SDK2: variants seen among roughly 807,000 people sequenced by gnomAD.
The protein encoded by SDK2 is sidekick cell adhesion molecule 2, also known as protein sidekick-2.
A neutral mutation model predicts 253.9 loss-of-function variants in SDK2; 105 were observed. The observed-to-expected ratio is 0.41, with a 90% CI of 0.35 to 0.49. The LOEUF (loss-of-function observed/expected upper bound fraction) is 0.49. Among genes scored for constraint, SDK2 ranks in the 20% least tolerant of loss-of-function variants. SDK2 has a pLI of 0.06. For missense variants in SDK2, 2,608 were observed against 3,003.0 expected (o/e 0.87, Z 3.07); for synonymous variants, 1,249 against 1,234.9 (o/e 1.01, Z -0.24).
chr17:73,443,485 G>A lies in SDK2; in HGVS notation c.614-2562C>T, dbSNP rs1401772043. Among the ~76,000 whole-genome samples the A allele has an allele frequency of 1.3e-5, 2 of 152,268 alleles. No homozygotes were observed. The highest frequency in any genetic ancestry group is 1.3e-4 in the Admixed American group (2 of 15,286). ...GGCACAAGTAAGAGACAGACAGTTA[G>A]AGCCCAAGCCAGAGCGCCGCATGGC... On this transcript the variant is annotated intron_variant, in intron 5 of 44. Coordinates refer to ENST00000392650, the MANE Select transcript of SDK2 (RefSeq NM_001144952.2). The surrounding 1 kb of genome is among the most constrained non-coding windows in gnomAD (Gnocchi z 4.6).
chr17:73,599,303 G>C (rs2045805136), intron 1 of SDK2, among the ~76,000 whole-genome samples: 1 of 152,148 alleles, frequency 6.6e-6, no homozygotes, highest in Non-Finnish European at 1.5e-5. Context: ...AGGCCGAAGG[G>C]GGTGGATCAC....
In SDK2 at chr17:73,455,790, G is replaced by A; in HGVS notation, c.479+116C>T. On this transcript the variant is annotated intron_variant, in intron 4 of 44. Transcript: ENST00000392650. This position sits in a 1 kb window ranked among gnomAD's most constrained non-coding sequence, Gnocchi z 5.0. Reference sequence around the variant, plus strand: ...TACCTGGCTGTGTCCCACAGGAGCTGAAAGGGGCTTCTGCACAAAGGCCCT... The same window carrying A: ...TACCTGGCTGTGTCCCACAGGAGCTAAAAGGGGCTTCTGCACAAAGGCCCT... 1 of 1,202,424 alleles carries A rather than the reference G, an allele frequency of 8.3e-7. No homozygotes were observed. The highest frequency in any genetic ancestry group is 1.1e-6 in the Non-Finnish European group (1 of 894,626). The allele number at this position is 1,202,424 out of a possible 1,614,324, so 74.5% of individuals were successfully genotyped here.
rs116552639 is a variant in SDK2 at position 73,340,161 on chromosome 17, G to A, written c.6166-1221C>T. On this transcript the variant is annotated intron_variant, in intron 44 of 44. Coordinates refer to ENST00000392650, the MANE Select transcript of SDK2 (RefSeq NM_001144952.2). ...TGCTGGGATTCAGGCGTGGGCCACCGTGCCCAGTCTACCTTTGTTTTCAAT... is the reference window on the plus strand; with the variant it reads ...TGCTGGGATTCAGGCGTGGGCCACCATGCCCAGTCTACCTTTGTTTTCAAT... 2.9e-3 allele frequency among the ~76,000 whole-genome samples: 436 copies of A among 152,306 alleles called. 1 individual carries two copies. Among genetic ancestry groups the A allele is most frequent in the African/African-American group, 9.7e-3 (404 of 41,574 alleles).
rs547081243 is a variant in SDK2 at position 73,441,364 on chromosome 17, G to A, written c.614-441C>T. Among the ~76,000 whole-genome samples, 25 of 152,170 alleles carry A rather than the reference G, an allele frequency of 1.6e-4. No individual in the cohort carries two copies. In the South Asian group the frequency reaches 1.7e-3, roughly 10 times the overall value. The stretch of plus-strand genomic sequence containing the variant: ...GGCCCCCTCCCCCAACACACCTCCC[G>A]CCAATTCATGCCCATCTGGCACCTG... On this transcript the variant is annotated intron_variant, in intron 5 of 44. Transcript: ENST00000392650.
At chr17:73,615,551 C>A (rs1367588762) in intron 1 of SDK2, among the ~76,000 whole-genome samples, 1 of 152,196 alleles carries the variant, frequency 6.6e-6, no homozygotes, top group Admixed American at 6.5e-5. Flanking sequence ...GAGACACAGA[C>A]CTTCTCCCCA....
At chr17:73,477,167 C>T (rs1025782886) in intron 2 of SDK2, among the ~76,000 whole-genome samples, 3 of 152,188 alleles carry the variant, frequency 2.0e-5, no homozygotes, top group Non-Finnish European at 4.4e-5. Context: ...TAAGCACCTC[C>T]GATAATGACA....
At chr17:73,339,229 G>GTT (rs2062411701) in intron 44 of SDK2, among the ~76,000 whole-genome samples, 1 of 138,472 alleles carries the variant, frequency 7.2e-6, no homozygotes, top group African/African-American at 2.6e-5. Flanking sequence ...TTTTGTTTTT[G>GTT]TTTTTGTTTT....
At chr17:73,539,896 CA>C (rs1332866817) in intron 1 of SDK2, among the ~76,000 whole-genome samples, 1 of 151,876 alleles carries the variant, frequency 6.6e-6, no homozygotes, top group African/African-American at 2.4e-5. Context: ...GGGCGGCCCC[CA>C]CCAGAGACGG....
At chr17:73,539,821 G>C (rs963304383) in intron 1 of SDK2, among the ~76,000 whole-genome samples, 1 of 152,248 alleles carries the variant, frequency 6.6e-6, no homozygotes. Context: ...ACACACGGGG[G>C]GAATGCCATG....
chr17:73,415,143 C>T (rs957499709), intron 17 of SDK2, among the ~76,000 whole-genome samples: 1 of 152,156 alleles, frequency 6.6e-6, no homozygotes, highest in African/African-American at 2.4e-5. Context: ...TCCTCTTCCT[C>T]TTCCCCTCAG....
intron 25 of SDK2, among the ~76,000 whole-genome samples, chr17:73,394,703 G>C (rs1222759605): frequency 1.3e-4 from 20 of 152,314 alleles, no homozygotes; most frequent in Non-Finnish European, 2.9e-5. Flanking sequence ...TGTGTGGATG[G>C]ATGAGAGTTG....
At chr17:73,483,909 G>A (rs2063754485) in intron 2 of SDK2, among the ~76,000 whole-genome samples, 1 of 151,044 alleles carries the variant, frequency 6.6e-6, no homozygotes, top group Admixed American at 6.6e-5. Flanking sequence ...CCCTGTCCAG[G>A]GTATAAGGAG....
intron 24 of SDK2, among the ~76,000 whole-genome samples, chr17:73,396,750 C>A (rs1326561686): frequency 6.6e-6 from 1 of 152,160 alleles, no homozygotes; most frequent in Non-Finnish European, 1.5e-5. Context: ...CAGGCTCTAA[C>A]CTTTTAGTAG....
At position 73,401,050 on chromosome 17, in the gene SDK2, C is replaced by A. The variant is rs867814181; in HGVS notation, c.2941G>T (p.Ala981Ser). 1.3e-6 allele frequency: 2 copies of A among 1,577,948 alleles called. No individual in the cohort carries two copies. The highest frequency in any genetic ancestry group is 2.7e-5 in the African/African-American group (2 of 74,422). Residue 981 changes from alanine to serine, a missense_variant, in exon 21 of 45, where the codon GCC becomes TCC. Ala to Ser is a moderately conservative substitution (Grantham distance 99). Coordinates refer to ENST00000392650, the MANE Select transcript of SDK2 (RefSeq NM_001144952.2). Reference protein sequence around the residue: ...MTSKGQGQVSASTISSGVPPE... With the variant: ...MTSKGQGQVSSSTISSGVPPE... ...GGCACCCCAGAGGAGATGGTGGAGG[C>A]GGACACTTGGCCCTGGCCCTTTGAG...
At chr17:73,382,071 C>T (rs980702559) in intron 33 of SDK2, among the ~76,000 whole-genome samples, 9 of 152,024 alleles carry the variant, frequency 5.9e-5, no homozygotes, top group Non-Finnish European at 1.2e-4. Flanking sequence ...AAAAAATTAG[C>T]TGGGCGTGGT....
chr17:73,464,284 G>A (rs921220870), intron 3 of SDK2, among the ~76,000 whole-genome samples: 2 of 152,124 alleles, frequency 1.3e-5, no homozygotes, highest in African/African-American at 4.8e-5. Context: ...CCCCCATACC[G>A]TTCTCGTGAT....
At position 73,455,615 on chromosome 17, in the gene SDK2, T is replaced by C. The variant is rs966953378; in HGVS notation, c.479+291A>G. Among the ~76,000 whole-genome samples, 4 of 152,184 alleles carry C rather than the reference T, an allele frequency of 2.6e-5. No individual in the cohort carries two copies. The highest frequency in any genetic ancestry group is 5.9e-5 in the Non-Finnish European group (4 of 68,024). On this transcript the variant is annotated intron_variant, in intron 4 of 44. Coordinates refer to ENST00000392650, the MANE Select transcript of SDK2 (RefSeq NM_001144952.2). The surrounding 1 kb of genome is among the most constrained non-coding windows in gnomAD (Gnocchi z 5.0). ...GACAGCGCCTTCGTATATGCCTGTT[T>C]GGGTTTTTTAAGTGCTCTGAAAAGC...
intron 3 of SDK2, 86 bp downstream of exon 3, chr17:73,472,026 A>G: frequency 1.0e-6 from 1 of 981,270 alleles, no homozygotes; most frequent in South Asian, 1.5e-5. Context: ...CCATGACGGG[A>G]TCTGGCTCTG....
At chr17:73,457,982 A>G (rs2063539734) in intron 3 of SDK2, among the ~76,000 whole-genome samples, 1 of 151,952 alleles carries the variant, frequency 6.6e-6, no homozygotes, top group Non-Finnish European at 1.5e-5. Flanking sequence ...GTATTTGTTT[A>G]TTATTATTAT....
Sources: gnomAD v4.1 joint callset for allele counts (sites outside exome capture counted in the v4.1 genomes callset) on GRCh38, gnomAD v4.1.1 for gene constraint, Gnocchi (gnomAD v3.1) non-coding constraint, MANE v1.5 for transcripts, NCBI Gene and HGNC (gene_info 2026-07-23, HGNC 2026-07-21) for gene names.